PRKN: variants seen among roughly 807,000 people sequenced by gnomAD.
PRKN encodes the protein E3 ubiquitin-protein ligase parkin.
A neutral mutation model predicts 59.5 loss-of-function variants in PRKN; 56 were observed. That is an observed-to-expected ratio of 0.94 (90% CI 0.76 to 1.18). PRKN has a LOEUF of 1.18. Ranked by LOEUF, PRKN falls within the 50% of genes most tolerant of loss-of-function variation. The pLI, the probability that PRKN is intolerant of heterozygous loss-of-function variation, is 0.00. For missense variants in PRKN, 657 were observed against 596.4 expected, an observed-to-expected ratio of 1.10 and a Z score of -1.06; for synonymous variants, 250 against 222.1, an observed-to-expected ratio of 1.13 and a Z score of -1.12.
At chr6:162,629,689 A>G (rs1177830896) in intron 1 of PRKN, among the ~76,000 whole-genome samples, 2 of 152,148 alleles carry the variant, frequency 1.3e-5, no homozygotes, top group Non-Finnish European at 2.9e-5. Flanking sequence ...AAATGTTGTA[A>G]TAACAGTTTC....
Position 161,360,909 on chromosome 6 carries a change from G to A in PRKN, c.1168-704C>T, listed in dbSNP as rs551127637. ...CTCTGACAGTCTTTATCTCTCAGAT[G>A]AAACACCTTGTGCATTGGGGGTATG... is the stretch of plus-strand genomic sequence containing the variant. On this transcript the variant is annotated intron_variant, in intron 10 of 11. Transcript: ENST00000366898. The surrounding 1 kb of genome is among the most constrained non-coding windows in gnomAD (Gnocchi z 5.1). 7.9e-5 allele frequency among the ~76,000 whole-genome samples: 12 copies of A among 152,308 alleles called. No homozygotes were observed. Among genetic ancestry groups the A allele is most frequent in the Middle Eastern group, 3.4e-3 (1 of 294 alleles).
intron 6 of PRKN, among the ~76,000 whole-genome samples, chr6:161,850,915 T>C (rs746137926): frequency 8.1e-4 from 124 of 152,320 alleles, no homozygotes; most frequent in Non-Finnish European, 6.9e-4. Context: ...CCAATCTCCT[T>C]TAAATACTGG....
intron 2 of PRKN, among the ~76,000 whole-genome samples, chr6:162,278,929 T>C (rs968784937): frequency 1.3e-5 from 2 of 152,258 alleles, no homozygotes; most frequent in African/African-American, 2.4e-5. Context: ...TGGAGAAAGG[T>C]TGTACAGATA....
chr6:162,471,288 G>C (rs546184134), intron 1 of PRKN, among the ~76,000 whole-genome samples: 1 of 148,934 alleles, frequency 6.7e-6, no homozygotes, highest in Admixed American at 6.7e-5. Context: ...AGTAGAGATG[G>C]GTTTTCACCA....
rs1488031446 is a variant in PRKN at position 161,499,705 on chromosome 6, CAATTCTT to C, written c.1083+49142_1083+49148del. ...TTCCATAAGTAACCCTTTCCCTTGA[CAATTCTT>C]AGGCACAATTAATCTTGAGAATTAC... is the stretch of plus-strand genomic sequence containing the variant. On this transcript the variant is annotated intron_variant, in intron 9 of 11. Coordinates refer to ENST00000366898, the MANE Select transcript of PRKN (RefSeq NM_004562.3). This position sits in a 1 kb window ranked among gnomAD's most constrained non-coding sequence, Gnocchi z 4.2. 3.9e-5 allele frequency among the ~76,000 whole-genome samples: 6 copies of C among 152,180 alleles called. No individual in the cohort carries two copies. The highest frequency in any genetic ancestry group is 3.3e-4 in the Admixed American group (5 of 15,282).
chr6:162,523,556 T>G (rs1370904908), intron 1 of PRKN, among the ~76,000 whole-genome samples: 1 of 152,012 alleles, frequency 6.6e-6, no homozygotes, highest in Non-Finnish European at 1.5e-5. Flanking sequence ...TCCCAGCTAC[T>G]TGGGAGGCTG....
At chr6:161,830,426 C>A (rs1013458533) in intron 6 of PRKN, among the ~76,000 whole-genome samples, 2 of 151,844 alleles carry the variant, frequency 1.3e-5, no homozygotes, top group African/African-American at 2.4e-5. Context: ...TAATTTTTTT[C>A]TGTTTTTAGT....
rs372895291 is a variant in PRKN at position 161,922,642 on chromosome 6, GT to G, written c.734+50659del. Among the ~76,000 whole-genome samples, 576 of 152,204 alleles carry G rather than the reference GT, an allele frequency of 3.8e-3. 4 individuals are homozygous for G. Among genetic ancestry groups the G allele is most frequent in the African/African-American group, 0.013 (550 of 41,550 alleles). The stretch of plus-strand genomic sequence containing the variant: ...ACATGAAATGGAGTAACTAACATAG[GT>G]CAGCATTAAGTTGCCATTAAAAAGT... On this transcript the variant is annotated intron_variant, in intron 6 of 11. Coordinates refer to ENST00000366898, the MANE Select transcript of PRKN (RefSeq NM_004562.3).
At chr6:162,005,744 T>A (rs1402056033) in intron 5 of PRKN, among the ~76,000 whole-genome samples, 1 of 152,114 alleles carries the variant, frequency 6.6e-6, no homozygotes, top group African/African-American at 2.4e-5. Flanking sequence ...AACTGCAGGG[T>A]CTTTGCTAAT....
At chr6:162,074,166 A>G (rs998330007) in intron 4 of PRKN, among the ~76,000 whole-genome samples, 3 of 140,612 alleles carry the variant, frequency 2.1e-5, no homozygotes, top group African/African-American at 8.1e-5. Flanking sequence ...ATGCTGCTAT[A>G]AAGACACATG....
At chr6:161,509,114 G>T (rs1451646755) in intron 9 of PRKN, among the ~76,000 whole-genome samples, 2 of 152,154 alleles carry the variant, frequency 1.3e-5, no homozygotes, top group Non-Finnish European at 2.9e-5. Context: ...AAAGTGCTGG[G>T]ATTACAGGCG....
chr6:161,721,157 A>T (rs1787205022), intron 7 of PRKN, among the ~76,000 whole-genome samples: 1 of 152,244 alleles, frequency 6.6e-6, no homozygotes, highest in East Asian at 1.9e-4. Flanking sequence ...ATTTTTAACT[A>T]AACAGAAAAG....
intron 1 of PRKN, among the ~76,000 whole-genome samples, chr6:162,629,556 GTTAA>G (rs1241283041): frequency 2.0e-5 from 3 of 152,036 alleles, no homozygotes; most frequent in Admixed American, 6.6e-5. Context: ...TTAAATTAAT[GTTAA>G]TTAATTGATA....
intron 6 of PRKN, among the ~76,000 whole-genome samples, chr6:161,797,335 C>T (rs1057022129): frequency 6.6e-6 from 1 of 152,136 alleles, no homozygotes; most frequent in South Asian, 2.1e-4. Flanking sequence ...CTACAACCTC[C>T]GGCTCACTGC....
chr6:162,062,668 G>C (rs1206123344), intron 4 of PRKN, among the ~76,000 whole-genome samples: 1 of 152,130 alleles, frequency 6.6e-6, no homozygotes, highest in Non-Finnish European at 1.5e-5. Flanking sequence ...CAAGCCTGCT[G>C]ACACACGTTG....
At chr6:162,619,861 T>C (rs1162693763) in intron 1 of PRKN, among the ~76,000 whole-genome samples, 1 of 152,206 alleles carries the variant, frequency 6.6e-6, no homozygotes, top group Non-Finnish European at 1.5e-5. Flanking sequence ...TCATTCATTC[T>C]GACGAATGGA....
In PRKN at chr6:162,678,637, T is replaced by C. The variant is rs182625528; in HGVS notation, c.7+49025A>G. ...GTTCAGATCTATTGTCTATGTTTTA[T>C]TGGGTTGTTTTAGTATTTATTGAGT... On this transcript the variant is annotated intron_variant, in intron 1 of 11. Transcript: ENST00000366898. Among the ~76,000 whole-genome samples, 446 of 152,354 alleles carry C rather than the reference T, an allele frequency of 2.9e-3. 6 individuals are homozygous for C. Among genetic ancestry groups the C allele is most frequent in the African/African-American group, 0.01 (420 of 41,586 alleles).
chr6:162,556,366 T>TGTGTGTGC (rs760574593), intron 1 of PRKN, among the ~76,000 whole-genome samples: 1,829 of 98,334 alleles, frequency 0.019, 36 homozygotes, highest in East Asian at 0.032. Context: ...TGTGTGTGTG[T>TGTGTGTGC]GTGTGTGTGT....
chr6:162,398,182 C>T (rs1308763193), intron 2 of PRKN, among the ~76,000 whole-genome samples: 4 of 152,038 alleles, frequency 2.6e-5, no homozygotes, highest in Admixed American at 2.6e-4. Context: ...TCCCAGAGTG[C>T]TATGTAATAC....
Sources: gnomAD v4.1 joint callset for allele counts (sites outside exome capture counted in the v4.1 genomes callset) on GRCh38, gnomAD v4.1.1 for gene constraint, Gnocchi (gnomAD v3.1) non-coding constraint, MANE v1.5 for transcripts, NCBI Gene and HGNC (gene_info 2026-07-23, HGNC 2026-07-21) for gene names.